GRHL2: variants seen among roughly 807,000 people sequenced by gnomAD.
GRHL2 encodes grainyhead like transcription factor 2.
GRHL2 carries 21 observed loss-of-function variants against 83.8 expected under a neutral mutation model. The ratio of observed to expected loss-of-function variants is 0.25; its 90% CI spans 0.18 to 0.36. The LOEUF is 0.36. GRHL2 is among the 10% of genes least tolerant of loss of function. The pLI, the probability that GRHL2 is intolerant of heterozygous loss-of-function variation, is 1.00. For missense variants in GRHL2, 623 were observed against 781.8 expected, an observed-to-expected ratio of 0.80 and a Z score of 2.42; for synonymous variants, 280 against 278.9, an observed-to-expected ratio of 1.00 and a Z score of -0.04.
chr8:101,664,854 T>C (rs1280694389), intron 15 of GRHL2, among the ~76,000 whole-genome samples: 4 of 152,016 alleles, frequency 2.6e-5, no homozygotes, highest in Non-Finnish European at 5.9e-5. Flanking sequence ...GAATCACGTA[T>C]GGCCCTTGGG....
At position 101,573,698 on chromosome 8, in the gene GRHL2, C is replaced by A; in HGVS notation, c.765C>A (p.Thr255=). 1.2e-6 allele frequency: 2 copies of A among 1,614,136 alleles called. No homozygotes were observed. Among genetic ancestry groups the A allele is most frequent in the Non-Finnish European group, 1.7e-6 (2 of 1,180,022 alleles). The change falls in exon 6 of 16, where the codon ACC becomes ACA. Residue 255 remains threonine, a synonymous_variant. Coordinates refer to ENST00000646743, the MANE Select transcript of GRHL2 (RefSeq NM_024915.4). ...CATTTCAGTACACCCTGGAAGCCACCAAATCTCTCCGTCAGAAGCAGGGGG... is the reference window on the plus strand; with the variant it reads ...CATTTCAGTACACCCTGGAAGCCACAAAATCTCTCCGTCAGAAGCAGGGGG... ...SGTFQYTLEA[T]KSLRQKQGEG...
intron 1 of GRHL2, among the ~76,000 whole-genome samples, chr8:101,520,262 C>T (rs929338055): frequency 1.3e-5 from 2 of 152,156 alleles, no homozygotes; most frequent in Non-Finnish European, 2.9e-5. Context: ...AGATTATAGA[C>T]TGATTCACGT....
chr8:101,636,389 G>A (rs1813286084), intron 11 of GRHL2, among the ~76,000 whole-genome samples: 1 of 152,068 alleles, frequency 6.6e-6, no homozygotes, highest in Non-Finnish European at 1.5e-5. Context: ...CCCCTTTGGG[G>A]AGTAAGTAGA....
At chr8:101,623,562 GACAGTACACAGTAGA>G in intron 9 of GRHL2, among the ~76,000 whole-genome samples, 1 of 147,432 alleles carries the variant, frequency 6.8e-6, no homozygotes, top group African/African-American at 2.6e-5. Flanking sequence ...TACCCAGTAG[GACAGTACACAGTAGA>G]ACAGTTCACA....
At chr8:101,583,081 G>A (rs995169483) in intron 7 of GRHL2, among the ~76,000 whole-genome samples, 8 of 152,188 alleles carry the variant, frequency 5.3e-5, no homozygotes, top group Admixed American at 1.3e-4. Context: ...GAGAATGTGC[G>A]GAAGTAATAA....
In GRHL2 at chr8:101,579,674, G is replaced by T. The variant is rs190149084; in HGVS notation, c.1003+2155G>T. Among the ~76,000 whole-genome samples, 79 of 152,260 alleles carry T rather than the reference G, an allele frequency of 5.2e-4. 2 individuals carry two copies. In the South Asian group the frequency reaches 0.011, roughly 22 times the overall value. ...AAAATCTCATACAATTCATTCTTCT[G>T]CTAGATTAAAAAAATCAAATCATGC... On this transcript the variant is annotated intron_variant, in intron 7 of 15. Coordinates refer to ENST00000646743, the MANE Select transcript of GRHL2 (RefSeq NM_024915.4).
the GRHL2 span, among the ~76,000 whole-genome samples, chr8:101,675,334 T>G: frequency 1.4e-4 from 22 of 152,236 alleles, no homozygotes; most frequent in African/African-American, 5.3e-4. Flanking sequence ...CAAAATCTCC[T>G]AAAGCTGATG....
intron 1 of GRHL2, among the ~76,000 whole-genome samples, chr8:101,530,767 A>G (rs1038598002): frequency 1.3e-5 from 2 of 151,986 alleles, no homozygotes; most frequent in African/African-American, 4.8e-5. Flanking sequence ...GAGCTTACAA[A>G]CTCCGCTTTT....
chr8:101,651,565 C>G (rs1452609114), intron 14 of GRHL2, among the ~76,000 whole-genome samples: 1 of 152,162 alleles, frequency 6.6e-6, no homozygotes, highest in Non-Finnish European at 1.5e-5. Context: ...TCTGTGGATG[C>G]AGTTGGAATG....
intron 1 of GRHL2, among the ~76,000 whole-genome samples, chr8:101,502,285 A>G (rs1810245393): frequency 6.6e-6 from 1 of 152,136 alleles, no homozygotes; most frequent in Admixed American, 6.6e-5. Context: ...CTCCCTCCAG[A>G]GGGGTCTGGG....
At chr8:101,554,268 C>T (rs899374922) in intron 3 of GRHL2, among the ~76,000 whole-genome samples, 10 of 152,102 alleles carry the variant, frequency 6.6e-5, no homozygotes, top group African/African-American at 2.4e-4. Flanking sequence ...CCTGGGACCT[C>T]GCTGGAAGAA....
At chr8:101,610,637 A>G (rs542470850) in intron 8 of GRHL2, among the ~76,000 whole-genome samples, 1 of 151,124 alleles carries the variant, frequency 6.6e-6, no homozygotes, top group East Asian at 1.9e-4. Flanking sequence ...CACAGTACCA[A>G]CGTAGGGGCT....
intron 7 of GRHL2, among the ~76,000 whole-genome samples, chr8:101,583,575 C>T (rs1484891103): frequency 6.6e-6 from 1 of 152,212 alleles, no homozygotes; most frequent in East Asian, 1.9e-4. Context: ...GCACCGTCTA[C>T]ACATAGAACA....
chr8:101,580,261 T>C (rs1812022736), intron 7 of GRHL2, among the ~76,000 whole-genome samples: 1 of 152,254 alleles, frequency 6.6e-6, no homozygotes, highest in South Asian at 2.1e-4. Context: ...ATCAGGGCAT[T>C]TGGGATATCC....
At chr8:101,570,473 AC>A (rs1811800034) in intron 5 of GRHL2, 79 bp downstream of exon 5, 1 of 1,192,862 alleles carries the variant, frequency 8.4e-7, no homozygotes, top group Non-Finnish European at 1.3e-6. Context: ...ATACCTTTAA[AC>A]CTTTTTTCTT....
At chr8:101,543,193 A>C in intron 1 of GRHL2, 48 bp from the exon 2 acceptor site, 1 of 1,444,228 alleles carries the variant, frequency 6.9e-7, no homozygotes, top group Admixed American at 1.7e-5. Flanking sequence ...AGGGGTAAAA[A>C]ATTTGCTCTC....
chr8:101,623,469 G>A (rs965193152), intron 9 of GRHL2, among the ~76,000 whole-genome samples: 8 of 147,228 alleles, frequency 5.4e-5, no homozygotes, highest in African/African-American at 1.9e-4. Flanking sequence ...ACAGTACACA[G>A]TAGGACAGTT....
intron 3 of GRHL2, among the ~76,000 whole-genome samples, chr8:101,553,330 G>A (rs1442050187): frequency 6.6e-6 from 1 of 152,176 alleles, no homozygotes; most frequent in African/African-American, 2.4e-5. Flanking sequence ...TGAAAAGCAA[G>A]GCACAGTCAG....
chr8:101,632,166 G>T (rs142873162), intron 10 of GRHL2, 60 bp from the exon 11 acceptor site: 3 of 1,588,066 alleles, frequency 1.9e-6, no homozygotes, highest in Admixed American at 1.7e-5. Flanking sequence ...AGGACTTACA[G>T]TTGAGAGTTC....
Sources: allele counts gnomAD v4.1 joint callset (sites outside exome capture counted in the v4.1 genomes callset), GRCh38; gene constraint gnomAD v4.1.1; transcripts MANE v1.5; gene names NCBI Gene and HGNC (gene_info 2026-07-23, HGNC 2026-07-21).